APCDD1: variants seen among roughly 807,000 people sequenced by gnomAD.
APCDD1 encodes the protein APC down-regulated 1, also known as protein APCDD1.
A neutral mutation model predicts 38.1 loss-of-function variants in APCDD1; 15 were observed. The observed-to-expected ratio is 0.39, with a 90% CI of 0.26 to 0.61. The LOEUF is 0.61. Among genes scored for constraint, APCDD1 ranks in the 20% least tolerant of loss-of-function variants. The pLI, the probability that APCDD1 is intolerant of heterozygous loss-of-function variation, is 0.49. For missense variants in APCDD1, 647 were observed against 696.2 expected (o/e 0.93, Z 0.79); for synonymous variants, 261 against 279.7 (o/e 0.93, Z 0.67).
rs372734445 is a variant in APCDD1 at position 10,485,554 on chromosome 18, C to T, written c.867C>T (p.Ile289=). 344 of 1,614,162 alleles carry T rather than the reference C, an allele frequency of 2.1e-4. 5 individuals are homozygous for T. In the South Asian group the frequency reaches 3.6e-3, roughly 17 times the overall value. The change falls in exon 4 of 5, where the codon ATC becomes ATT. Residue 289 remains isoleucine (I), a synonymous_variant. Coordinates refer to ENST00000355285, the MANE Select transcript of APCDD1 (RefSeq NM_153000.5). This position sits in a 1 kb window ranked among gnomAD's most constrained non-coding sequence, Gnocchi z 5.8. Reference sequence around the variant, plus strand: ...TGCCCCCAAAGGCAGACCTGACCATCGGCCTGCACGGGGAGTGGGTGAGCC... The same window carrying T: ...TGCCCCCAAAGGCAGACCTGACCATTGGCCTGCACGGGGAGTGGGTGAGCC... The part of the protein sequence containing the change: ...PILPPKADLT[I]GLHGEWVSQR...
intron 1 of APCDD1, among the ~76,000 whole-genome samples, chr18:10,465,190 C>T (rs2030676395): frequency 6.6e-6 from 1 of 152,202 alleles, no homozygotes; most frequent in African/African-American, 2.4e-5. Flanking sequence ...GTGCATCTCA[C>T]AATCAGTGGG....
chr18:10,482,645 T>C (rs1165560959), intron 3 of APCDD1, among the ~76,000 whole-genome samples: 3 of 152,198 alleles, frequency 2.0e-5, no homozygotes, highest in Non-Finnish European at 4.4e-5. Flanking sequence ...TGTGAAGTTT[T>C]CGTGATTTGA....
chr18:10,471,710 G>T lies in APCDD1; in HGVS notation c.423G>T (p.Thr141=). 6.2e-7 allele frequency: 1 copy of T among 1,614,136 alleles called. No individual in the cohort carries two copies. The highest frequency in any genetic ancestry group is 8.5e-7 in the Non-Finnish European group (1 of 1,180,038). ...CCTCCTGGATCATCCGAGGGGGCACGGAAGCCGACTACCAGCTGCACAACG... is the reference window on the plus strand; with the variant it reads ...CCTCCTGGATCATCCGAGGGGGCACTGAAGCCGACTACCAGCTGCACAACG... ...RQASWIIRGG[T]EADYQLHNVQ... Residue 141 remains threonine, a synonymous_variant, in exon 3 of 5, where the codon ACG becomes ACT. Coordinates refer to ENST00000355285, the MANE Select transcript of APCDD1 (RefSeq NM_153000.5). The surrounding 1 kb of genome is among the most constrained non-coding windows in gnomAD (Gnocchi z 5.5).
chr18:10,473,734 G>T (rs1402905291), intron 3 of APCDD1, among the ~76,000 whole-genome samples: 2 of 152,104 alleles, frequency 1.3e-5, no homozygotes, highest in Admixed American at 1.3e-4. Context: ...TAAGAATAAT[G>T]GGCTTCGAAT....
intron 3 of APCDD1, among the ~76,000 whole-genome samples, chr18:10,478,388 C>T (rs2031056874): frequency 6.6e-6 from 1 of 152,202 alleles, no homozygotes; most frequent in Non-Finnish European, 1.5e-5. Context: ...GCAGCAGGTG[C>T]CTCAGTCCAT....
At position 10,472,186 on chromosome 18, in the gene APCDD1, AG is replaced by A; in HGVS notation, c.774+127del. Reference sequence around the variant, plus strand: ...TTCTGCATCATGGCGGGGCAGGCCAAGGTGGGGCTGCTGCGAGGTGGGAGGA... The same window carrying A: ...TTCTGCATCATGGCGGGGCAGGCCAAGTGGGGCTGCTGCGAGGTGGGAGGA... On this transcript the variant is annotated intron_variant, in intron 3 of 4. Coordinates refer to ENST00000355285, the MANE Select transcript of APCDD1 (RefSeq NM_153000.5). The surrounding 1 kb of genome is among the most constrained non-coding windows in gnomAD (Gnocchi z 6.6). 2 of 1,363,710 alleles carry A rather than the reference AG, an allele frequency of 1.5e-6. No homozygotes were observed. Among genetic ancestry groups the A allele is most frequent in the Non-Finnish European group, 2.1e-6 (2 of 973,596 alleles). The allele number at this position is 1,363,710 out of a possible 1,614,324, so 84.5% of individuals were successfully genotyped here. A position where few individuals can be genotyped will look rare whatever the true frequency, so the allele number is the denominator to read the frequency against.
chr18:10,462,004 A>G (rs918072369), intron 1 of APCDD1, among the ~76,000 whole-genome samples: 3 of 152,212 alleles, frequency 2.0e-5, no homozygotes, highest in Non-Finnish European at 4.4e-5. Context: ...GCCCCATTCT[A>G]CAGGCACGGT....
rs1033304763 is a variant in APCDD1, at chr18:10,467,195, G to A, written c.59-1274G>A. On this transcript the variant is annotated intron_variant, in intron 1 of 4. Transcript: ENST00000355285. The surrounding 1 kb of genome is among the most constrained non-coding windows in gnomAD (Gnocchi z 4.8). ...TCTCAGTTTATCCAGGTAGATTTTC[G>A]TCATGTTGCTGTAAGTGACTATATT... Among the ~76,000 whole-genome samples the A allele has an allele frequency of 2.6e-5, 4 of 152,148 alleles. No individual in the cohort carries two copies. Among genetic ancestry groups the A allele is most frequent in the South Asian group, 2.1e-4 (1 of 4,828 alleles).
At chr18:10,464,345 GAC>G (rs1413196286) in intron 1 of APCDD1, among the ~76,000 whole-genome samples, 1 of 79,450 alleles carries the variant, frequency 1.3e-5, no homozygotes, top group Admixed American at 1.4e-4. Context: ...CACACACACA[GAC>G]ACACACACAC....
At position 10,467,750 on chromosome 18, in the gene APCDD1, GA is replaced by G. The variant is rs1454404752; in HGVS notation, c.59-716del. On this transcript the variant is annotated intron_variant, in intron 1 of 4. Transcript: ENST00000355285. The surrounding 1 kb of genome is among the most constrained non-coding windows in gnomAD (Gnocchi z 4.8). Reference sequence around the variant, plus strand: ...CTGGACTTGGAAGATAATTGGGGGGGAAATGTCACACCACGTCCCTATTGTA... The same window carrying G: ...CTGGACTTGGAAGATAATTGGGGGGGAATGTCACACCACGTCCCTATTGTA... Among the ~76,000 whole-genome samples the G allele has an allele frequency of 6.6e-6, 1 of 152,198 alleles. No homozygotes were observed. Among genetic ancestry groups the G allele is most frequent in the Non-Finnish European group, 1.5e-5 (1 of 68,036 alleles).
chr18:10,473,740 C>T (rs1054335676), intron 3 of APCDD1, among the ~76,000 whole-genome samples: 8 of 152,008 alleles, frequency 5.3e-5, no homozygotes, highest in African/African-American at 1.9e-4. Flanking sequence ...TAATGGGCTT[C>T]GAATTATACT....
At chr18:10,474,384 C>T (rs545884688) in intron 3 of APCDD1, 1 of 152,396 alleles carries the variant, frequency 6.6e-6, no homozygotes, top group African/African-American at 2.4e-5. Context: ...TAGGAAAAGC[C>T]TGCCCACTTT....
chr18:10,455,117 G>A, intron 1 of APCDD1, 78 bp downstream of exon 1: 2 of 1,537,266 alleles, frequency 1.3e-6, no homozygotes, highest in Non-Finnish European at 1.8e-6. Context: ...GGAGGCGTCG[G>A]GTCTGGATCG....
intron 1 of APCDD1, among the ~76,000 whole-genome samples, chr18:10,461,471 TC>T: frequency 6.6e-6 from 1 of 152,204 alleles, no homozygotes. Context: ...CTGGGAACAG[TC>T]CCTGGAGAGC....
chr18:10,469,453 C>T lies in APCDD1; in HGVS notation c.242+801C>T, dbSNP rs1189744766. Among the ~76,000 whole-genome samples the T allele has an allele frequency of 6.6e-6, 1 of 152,154 alleles. No homozygotes were observed. The highest frequency in any genetic ancestry group is 1.5e-5 in the Non-Finnish European group (1 of 68,012). Reference sequence around the variant, plus strand: ...AACCACGATAAACAATTTGTATAAACAACCTTCATGTTACATACTTTTAAA... The same window carrying T: ...AACCACGATAAACAATTTGTATAAATAACCTTCATGTTACATACTTTTAAA... On this transcript the variant is annotated intron_variant, in intron 2 of 4. Coordinates refer to ENST00000355285, the MANE Select transcript of APCDD1 (RefSeq NM_153000.5). This position sits in a 1 kb window ranked among gnomAD's most constrained non-coding sequence, Gnocchi z 5.5.
chr18:10,457,921 T>C (rs141295029), intron 1 of APCDD1, among the ~76,000 whole-genome samples: 1 of 152,232 alleles, frequency 6.6e-6, no homozygotes, highest in Non-Finnish European at 1.5e-5. Flanking sequence ...AAAGTATACA[T>C]GTCAGTTTTA....
Position 10,472,122 on chromosome 18 carries a change from C to T in APCDD1, c.774+61C>T. 6.2e-7 allele frequency: 1 copy of T among 1,607,288 alleles called. No homozygotes were observed. The highest frequency in any genetic ancestry group is 1.1e-5 in the South Asian group (1 of 90,902). On this transcript the variant is annotated intron_variant, in intron 3 of 4. Transcript: ENST00000355285. This position sits in a 1 kb window ranked among gnomAD's most constrained non-coding sequence, Gnocchi z 6.6. ...TAAAGTGGGTGATCCTTCTTAAAGG[C>T]TTGCCATGGGGGCTCTAGGGCACCC...
Position 10,468,535 on chromosome 18 carries a change from G to A in APCDD1, c.125G>A (p.Ser42Asn). Reference protein sequence around the residue: ...SRSHPRSLEKSAWRAFKESQC... With the variant: ...SRSHPRSLEKNAWRAFKESQC... The stretch of plus-strand genomic sequence containing the variant: ...TCTCATCCTAGGTCCTTAGAGAAAA[G>A]TGCCTGGAGGGCTTTTAAGGAGTCA... Residue 42 changes from serine to asparagine, a missense_variant, in exon 2 of 5, where the codon AGT (serine) becomes AAT (asparagine). Transcript: ENST00000355285. 1 of 1,614,172 alleles carries A rather than the reference G, an allele frequency of 6.2e-7. No homozygotes were observed. The highest frequency in any genetic ancestry group is 1.1e-5 in the South Asian group (1 of 91,074).
Position 10,474,736 on chromosome 18 carries a change from T to C in APCDD1, c.774+2675T>C, listed in dbSNP as rs527505173. Among the ~76,000 whole-genome samples the C allele has an allele frequency of 2.4e-4, 37 of 152,338 alleles. No individual in the cohort carries two copies. The Middle Eastern group carries it at 0.01, about 42-fold the overall frequency. Reference sequence around the variant, plus strand: ...GAGTCTGAAAGCCCAGTCAGCATTGTTAAGGCTGGCGCCCAGGGGTACTCC... The same window carrying C: ...GAGTCTGAAAGCCCAGTCAGCATTGCTAAGGCTGGCGCCCAGGGGTACTCC... On this transcript the variant is annotated intron_variant, in intron 3 of 4. Transcript: ENST00000355285.
Sources: allele counts gnomAD v4.1 joint callset (sites outside exome capture counted in the v4.1 genomes callset), GRCh38; gene constraint gnomAD v4.1.1; non-coding constraint Gnocchi (gnomAD v3.1); transcripts MANE v1.5; gene names NCBI Gene and HGNC (gene_info 2026-07-23, HGNC 2026-07-21).